The following ZRANB3 variants were observed in gnomAD, a reference collection of about 807,000 sequenced individuals.
The protein encoded by ZRANB3 is zinc finger RANBP2-type containing 3, also known as DNA annealing helicase and endonuclease ZRANB3.
In ZRANB3, 125 loss-of-function variants were observed where a neutral mutation model predicts 133.8. That is an observed-to-expected ratio of 0.93 (90% CI 0.81 to 1.08). The LOEUF (loss-of-function observed/expected upper bound fraction) is 1.08, where lower values mean the gene tolerates loss of function less well. ZRANB3 is among the 50% of genes least tolerant of loss of function. The pLI, the probability that ZRANB3 is intolerant of heterozygous loss-of-function variation, is 0.00. For synonymous variants in ZRANB3, 387 were observed against 432.7 expected (o/e 0.89, Z 1.31); for missense variants, 1,229 against 1,275.5 (o/e 0.96, Z 0.56).
At chr2:135,508,120 C>T (rs1559044971) in intron 1 of ZRANB3, among the ~76,000 whole-genome samples, 1 of 151,984 alleles carries the variant, frequency 6.6e-6, no homozygotes, top group Non-Finnish European at 1.5e-5. Flanking sequence ...GACTCAGGCA[C>T]AATATTTGTT....
intron 14 of ZRANB3, among the ~76,000 whole-genome samples, chr2:135,226,044 C>G (rs115752630): frequency 3.9e-4 from 59 of 152,294 alleles, no homozygotes; most frequent in Non-Finnish European, 7.5e-4. Flanking sequence ...CCTGGGCTAT[C>G]ATTAAGGTAT....
chr2:135,263,182 T>C (rs965909097), intron 12 of ZRANB3, among the ~76,000 whole-genome samples: 1 of 152,234 alleles, frequency 6.6e-6, no homozygotes, highest in Non-Finnish European at 1.5e-5. Flanking sequence ...TTTTACTATA[T>C]ATATGTACTC....
Position 135,250,634 on chromosome 2 carries a change from G to A in ZRANB3, c.1539+14900C>T, listed in dbSNP as rs111335919. Among the ~76,000 whole-genome samples the A allele has an allele frequency of 3.0e-3, 454 of 152,336 alleles. 2 individuals are homozygous for A. The highest frequency in any genetic ancestry group is 0.01 in the African/African-American group (421 of 41,578). ...GCTCCAGCCATGGCTGAAAGGGGCC[G>A]ACGTACAGCTTGGGCTGTGGCTTCA... On this transcript the variant is annotated intron_variant, in intron 12 of 20. Transcript: ENST00000264159.
Position 135,353,454 on chromosome 2 carries a change from C to A in ZRANB3, c.355G>T (p.Val119Phe). ...EINVIQNKTD[V>F]RRMSTSKVTV... ...ATATTAAACAGTTGTTCTTACCTAA[C>A]ATCAGTTTTATTCTGAATAACATTG... Residue 119 changes from valine to phenylalanine, a missense_variant, in exon 4 of 21, where the codon GTT (valine) becomes TTT (phenylalanine). Val to Phe is a conservative substitution (Grantham distance 50). Transcript: ENST00000264159. The A allele has an allele frequency of 6.3e-7, 1 of 1,575,378 alleles. No individual in the cohort carries two copies. The highest frequency in any genetic ancestry group is 1.2e-5 in the South Asian group (1 of 83,678).
intron 12 of ZRANB3, among the ~76,000 whole-genome samples, chr2:135,238,170 G>A (rs534350380): frequency 6.6e-6 from 1 of 152,266 alleles, no homozygotes; most frequent in Non-Finnish European, 1.5e-5. Context: ...AAAGGATTTA[G>A]TTTCAGAGGT....
chr2:135,334,401 C>T (rs1360007464), intron 6 of ZRANB3, among the ~76,000 whole-genome samples: 2 of 152,158 alleles, frequency 1.3e-5, no homozygotes, highest in East Asian at 1.9e-4. Flanking sequence ...ATGCAGAATA[C>T]ATATTCTATT....
At chr2:135,340,163 T>C (rs1684572440) in intron 6 of ZRANB3, among the ~76,000 whole-genome samples, 1 of 150,130 alleles carries the variant, frequency 6.7e-6, no homozygotes, top group Admixed American at 6.7e-5. Context: ...TGGAGGGCAA[T>C]GGCGCGATCT....
chr2:135,204,584 G>A (rs990781816), intron 19 of ZRANB3, among the ~76,000 whole-genome samples: 5 of 148,232 alleles, frequency 3.4e-5, no homozygotes, highest in African/African-American at 5.0e-5. Flanking sequence ...CTTGGCCCAG[G>A]AGCCAGGAGT....
chr2:135,234,297 G>A lies in ZRANB3; in HGVS notation c.1540-3370C>T, dbSNP rs567521954. Among the ~76,000 whole-genome samples, 25 of 152,242 alleles carry A rather than the reference G, an allele frequency of 1.6e-4. No individual in the cohort carries two copies. In the South Asian group the frequency reaches 5.2e-3, roughly 32 times the overall value. On this transcript the variant is annotated intron_variant, in intron 12 of 20. Transcript: ENST00000264159. ...AGGAACACTCAGATTCATAAAGCAAGTCCTTAGAGACCTACAAAGAGACTT... is the reference window on the plus strand; with the variant it reads ...AGGAACACTCAGATTCATAAAGCAAATCCTTAGAGACCTACAAAGAGACTT...
intron 2 of ZRANB3, among the ~76,000 whole-genome samples, chr2:135,447,960 AGTT>A (rs1338381522): frequency 2.0e-5 from 3 of 152,202 alleles, no homozygotes. Context: ...AAGCCCATTT[AGTT>A]AGAGTAATTT....
chr2:135,372,738 G>T (rs1686239354), intron 3 of ZRANB3, among the ~76,000 whole-genome samples: 2 of 147,530 alleles, frequency 1.4e-5, no homozygotes, highest in South Asian at 4.4e-4. Flanking sequence ...AGTAAGCCAA[G>T]ATTGCGCCAC....
At chr2:135,474,344 C>T (rs1243676054) in intron 2 of ZRANB3, among the ~76,000 whole-genome samples, 1 of 152,114 alleles carries the variant, frequency 6.6e-6, no homozygotes, top group Non-Finnish European at 1.5e-5. Flanking sequence ...TTTCCTCTTT[C>T]AAGGGATTGA....
At chr2:135,480,668 G>T (rs1025009869) in intron 2 of ZRANB3, among the ~76,000 whole-genome samples, 1 of 150,882 alleles carries the variant, frequency 6.6e-6, no homozygotes, top group African/African-American at 2.5e-5. Flanking sequence ...CATTGTGCAG[G>T]TTAGTTACAT....
At chr2:135,255,912 ATTT>A (rs760364915) in intron 12 of ZRANB3, among the ~76,000 whole-genome samples, 32 of 138,908 alleles carry the variant, frequency 2.3e-4, no homozygotes, top group African/African-American at 4.6e-4. Flanking sequence ...ACTCATTAAA[ATTT>A]TTTTTTTTTT....
intron 2 of ZRANB3, among the ~76,000 whole-genome samples, chr2:135,434,461 A>G (rs1689445575): frequency 6.6e-6 from 1 of 152,244 alleles, no homozygotes; most frequent in African/African-American, 2.4e-5. Context: ...GTTCTGAAAC[A>G]TTGGAGAAGG....
chr2:135,406,927 T>A (rs892362216), intron 2 of ZRANB3, among the ~76,000 whole-genome samples: 1 of 152,134 alleles, frequency 6.6e-6, no homozygotes, highest in Non-Finnish European at 1.5e-5. Context: ...AGGGATGCCC[T>A]CTCTCACCAC....
intron 2 of ZRANB3, among the ~76,000 whole-genome samples, chr2:135,470,792 C>A (rs1325652569): frequency 6.6e-6 from 1 of 150,714 alleles, no homozygotes; most frequent in Non-Finnish European, 1.5e-5. Flanking sequence ...TTAATGATCA[C>A]GAAATTTCTT....
chr2:135,499,043 C>T (rs974647231), intron 2 of ZRANB3, among the ~76,000 whole-genome samples: 2 of 152,122 alleles, frequency 1.3e-5, no homozygotes, highest in African/African-American at 2.4e-5. Context: ...GTGACCCACA[C>T]CCTATTTGTA....
At chr2:135,229,803 A>T (rs1383826461) in intron 13 of ZRANB3, among the ~76,000 whole-genome samples, 1 of 152,194 alleles carries the variant, frequency 6.6e-6, no homozygotes, top group Non-Finnish European at 1.5e-5. Flanking sequence ...TGCTCTATAG[A>T]ATTGGAAACA....
Sources: allele counts gnomAD v4.1 joint callset (sites outside exome capture counted in the v4.1 genomes callset), GRCh38; gene constraint gnomAD v4.1.1; transcripts MANE v1.5; gene names NCBI Gene and HGNC (gene_info 2026-07-23, HGNC 2026-07-21).